Variants in OXR1 observed in about 807,000 individuals in gnomAD.
OXR1 encodes the protein oxidation resistance protein 1.
Under a neutral mutation model 104.6 loss-of-function variants are expected in OXR1, and 41 were observed. The ratio of observed to expected loss-of-function variants is 0.39; its 90% CI spans 0.31 to 0.51. The LOEUF (loss-of-function observed/expected upper bound fraction) is 0.51, where lower values mean the gene tolerates loss of function less well. OXR1 is among the 20% of genes least tolerant of loss of function. The pLI, the probability that OXR1 is intolerant of heterozygous loss-of-function variation, is 0.77. For synonymous variants in OXR1, 348 were observed against 348.4 expected, an observed-to-expected ratio of 1.00 and a Z score of 0.01; for missense variants, 955 against 1,031.9, an observed-to-expected ratio of 0.93 and a Z score of 1.02.
intron 1 of OXR1, among the ~76,000 whole-genome samples, chr8:106,285,335 A>G (rs571215057): frequency 1.5e-4 from 23 of 152,230 alleles, no homozygotes; most frequent in African/African-American, 5.1e-4. Context: ...AAATGAGAAA[A>G]TTTTGTCTGC....
rs73701113 is a variant in OXR1 at position 106,318,033 on chromosome 8, T to C, written c.-138-41443T>C. 2.4e-3 allele frequency among the ~76,000 whole-genome samples: 362 copies of C among 152,266 alleles called. 2 individuals carry two copies. Among genetic ancestry groups the C allele is most frequent in the African/African-American group, 8.2e-3 (340 of 41,544 alleles). ...TCCTAATGACCATGACAGGAAATAA[T>C]GATAGCATTAAACTGTAGTGTCTTT... On this transcript the variant is annotated intron_variant, in intron 1 of 16. Coordinates refer to ENST00000517566, the MANE Select transcript of OXR1 (RefSeq NM_001198533.2).
intron 1 of OXR1, among the ~76,000 whole-genome samples, chr8:106,348,530 C>T (rs1815591527): frequency 6.6e-6 from 1 of 151,654 alleles, no homozygotes; most frequent in African/African-American, 2.4e-5. Flanking sequence ...TGTTTTTTGG[C>T]AATCTTTTTT....
chr8:106,418,488 A>AT (rs542255551), intron 2 of OXR1, among the ~76,000 whole-genome samples: 13 of 151,824 alleles, frequency 8.6e-5, no homozygotes, highest in South Asian at 2.1e-4. Context: ...AAAATGTCTG[A>AT]TTTTTTTTAA....
In OXR1 at chr8:106,478,519, G is replaced by C. The variant is rs181995475; in HGVS notation, c.24-40424G>C. Among the ~76,000 whole-genome samples, 15 of 151,924 alleles carry C rather than the reference G, an allele frequency of 9.9e-5. No homozygotes were observed. In the East Asian group the frequency reaches 1.6e-3, roughly 16 times the overall value. ...TTGTGTCAGAATAGTAAGTAAGGAA[G>C]TTCTTGGCAAAGAGAGTAACTATAT... On this transcript the variant is annotated intron_variant, in intron 2 of 16. Coordinates refer to ENST00000517566, the MANE Select transcript of OXR1 (RefSeq NM_001198533.2).
At chr8:106,691,331 A>G (rs1383447790) in intron 6 of OXR1, among the ~76,000 whole-genome samples, 1 of 152,016 alleles carries the variant, frequency 6.6e-6, no homozygotes, top group African/African-American at 2.4e-5. Flanking sequence ...ATTCAAAACC[A>G]TCTACATAGA....
intron 1 of OXR1, among the ~76,000 whole-genome samples, chr8:106,320,482 C>G (rs1266297975): frequency 5.3e-5 from 8 of 152,066 alleles, no homozygotes; most frequent in African/African-American, 1.9e-4. Flanking sequence ...ATTACTTTGC[C>G]TGTAATAGTG....
Position 106,481,240 on chromosome 8 carries a change from G to A in OXR1, c.24-37703G>A, listed in dbSNP as rs138822121. ...CCCTTAATGTTACAGACTGGAGATTGAATGGGAAGGCCTTACCATGAAGCT... is the reference window on the plus strand; with the variant it reads ...CCCTTAATGTTACAGACTGGAGATTAAATGGGAAGGCCTTACCATGAAGCT... On this transcript the variant is annotated intron_variant, in intron 2 of 16. Coordinates refer to ENST00000517566, the MANE Select transcript of OXR1 (RefSeq NM_001198533.2). Among the ~76,000 whole-genome samples, 8 of 152,080 alleles carry A rather than the reference G, an allele frequency of 5.3e-5. No homozygotes were observed. The East Asian group carries it at 1.6e-3, about 29-fold the overall frequency.
chr8:106,286,604 CTG>C (rs1180729491), intron 1 of OXR1, among the ~76,000 whole-genome samples: 4 of 152,070 alleles, frequency 2.6e-5, no homozygotes, highest in Admixed American at 2.6e-4. Context: ...TTAACAAAAC[CTG>C]TTTACATTCC....
At chr8:106,445,280 G>C (rs1412002233) in intron 2 of OXR1, among the ~76,000 whole-genome samples, 1 of 152,198 alleles carries the variant, frequency 6.6e-6, no homozygotes, top group Admixed American at 6.5e-5. Flanking sequence ...CCAAAGAAGA[G>C]TGAAATCTGA....
At chr8:106,390,908 C>T (rs541318840) in intron 2 of OXR1, among the ~76,000 whole-genome samples, 3 of 152,224 alleles carry the variant, frequency 2.0e-5, no homozygotes, top group Admixed American at 1.3e-4. Context: ...AAGCCCCCCT[C>T]CCCCAGATAC....
At chr8:106,605,234 G>C (rs1227359552) in intron 3 of OXR1, 1 of 152,098 alleles carries the variant, frequency 6.6e-6, no homozygotes, top group African/African-American at 2.4e-5. Flanking sequence ...ATACTTGAAA[G>C]CTAAAATTTT....
chr8:106,287,324 C>A (rs1812542224), intron 1 of OXR1, among the ~76,000 whole-genome samples: 1 of 152,028 alleles, frequency 6.6e-6, no homozygotes, highest in Non-Finnish European at 1.5e-5. Flanking sequence ...GATACTTGTC[C>A]TGTGGATAAT....
At chr8:106,594,293 G>A (rs1267890573) in intron 3 of OXR1, among the ~76,000 whole-genome samples, 1 of 152,094 alleles carries the variant, frequency 6.6e-6, no homozygotes, top group Non-Finnish European at 1.5e-5. Flanking sequence ...GGGTATGTCA[G>A]CACCAATGTT....
intron 7 of OXR1, among the ~76,000 whole-genome samples, chr8:106,700,668 G>T (rs892203303): frequency 2.0e-5 from 3 of 152,122 alleles, no homozygotes; most frequent in Non-Finnish European, 4.4e-5. Context: ...AGGTATTAAG[G>T]TATATAGAGA....
intron 6 of OXR1, among the ~76,000 whole-genome samples, chr8:106,691,382 G>A (rs950979666): frequency 2.6e-5 from 4 of 151,728 alleles, no homozygotes; most frequent in Non-Finnish European, 4.4e-5. Flanking sequence ...TGTAAGTTAC[G>A]GTGAGGTCTG....
intron 6 of OXR1, among the ~76,000 whole-genome samples, chr8:106,689,741 T>C (rs1294049697): frequency 1.3e-5 from 2 of 151,956 alleles, no homozygotes; most frequent in Admixed American, 6.6e-5. Flanking sequence ...TTGTAAAATA[T>C]TGTGAAAACT....
At position 106,724,382 on chromosome 8, in the gene OXR1, T is replaced by C. The variant is rs534055413; in HGVS notation, c.1956+10397T>C. 2.0e-5 allele frequency among the ~76,000 whole-genome samples: 3 copies of C among 152,274 alleles called. No individual in the cohort carries two copies. The East Asian group carries it at 5.8e-4, about 29-fold the overall frequency. ...ATGACTTAGCAATATGTATTATAAA[T>C]ACTACAAAAACAGAAAGGGCAAGAA... On this transcript the variant is annotated intron_variant, in intron 11 of 16. Coordinates refer to ENST00000517566, the MANE Select transcript of OXR1 (RefSeq NM_001198533.2).
At chr8:106,664,213 G>A (rs923486855) in intron 3 of OXR1, among the ~76,000 whole-genome samples, 2 of 152,194 alleles carry the variant, frequency 1.3e-5, no homozygotes, top group African/African-American at 4.8e-5. Flanking sequence ...AGGAAGTTCT[G>A]TATTATCTAT....
chr8:106,721,701 C>T (rs146229891), intron 11 of OXR1, among the ~76,000 whole-genome samples: 73 of 152,238 alleles, frequency 4.8e-4, no homozygotes, highest in African/African-American at 1.6e-3. Flanking sequence ...CTATATAAAC[C>T]TCTATACTAT....
Sources: allele counts gnomAD v4.1 joint callset (sites outside exome capture counted in the v4.1 genomes callset), GRCh38; gene constraint gnomAD v4.1.1; transcripts MANE v1.5; gene names NCBI Gene and HGNC (gene_info 2026-07-23, HGNC 2026-07-21).